Variants in NMT2 observed in about 807,000 individuals in gnomAD.
NMT2 encodes the protein N-myristoyltransferase 2.
Under a neutral mutation model 65.4 loss-of-function variants are expected in NMT2, and 35 were observed. The ratio of observed to expected loss-of-function variants is 0.54; its 90% CI spans 0.41 to 0.71. The LOEUF (loss-of-function observed/expected upper bound fraction) is 0.71, where lower values mean the gene tolerates loss of function less well. Ranked by LOEUF, NMT2 falls within the 30% of genes least tolerant of loss-of-function variation. The pLI, the probability that NMT2 is intolerant of heterozygous loss-of-function variation, is 0.00. For missense variants in NMT2, 489 were observed against 611.3 expected (o/e 0.80, Z 2.11); for synonymous variants, 226 against 231.8 (o/e 0.98, Z 0.23).
rs938831667 is a variant in NMT2, at chr10:15,141,001, G to A, written c.246+421C>T. 23 of 1,550,826 alleles carry A rather than the reference G, an allele frequency of 1.5e-5. No homozygotes were observed. The East Asian group carries it at 2.9e-4, about 20-fold the overall frequency. The stretch of plus-strand genomic sequence containing the variant: ...GAGAGACTTACCCATGGCTGCTCCC[G>A]CTGAAATCTGCTGCCAGATGGTGTT... On this transcript the variant is annotated intron_variant, in intron 2 of 11. Coordinates refer to ENST00000378165, the MANE Select transcript of NMT2 (RefSeq NM_004808.3).
intron 9 of NMT2, among the ~76,000 whole-genome samples, chr10:15,114,879 T>C (rs1402817590): frequency 3.3e-5 from 5 of 152,130 alleles, no homozygotes; most frequent in African/African-American, 1.2e-4. Context: ...GGCATGCGCC[T>C]GTAGTTCCAG....
chr10:15,154,384 G>T (rs550796554), intron 1 of NMT2, among the ~76,000 whole-genome samples: 4 of 152,308 alleles, frequency 2.6e-5, no homozygotes, highest in East Asian at 1.9e-4. Flanking sequence ...TGCAGGCTGT[G>T]TGGTGACCTG....
At chr10:15,151,078 G>T (rs1832786124) in intron 1 of NMT2, among the ~76,000 whole-genome samples, 1 of 128,536 alleles carries the variant, frequency 7.8e-6, no homozygotes. Context: ...TTTTTTTGGA[G>T]ACGGAGTTTC....
chr10:15,132,329 C>T (rs1442497608), intron 6 of NMT2, among the ~76,000 whole-genome samples: 1 of 151,940 alleles, frequency 6.6e-6, no homozygotes, highest in Non-Finnish European at 1.5e-5. Context: ...GTTTTAGGTT[C>T]ACAGCAAAAC....
intron 6 of NMT2, among the ~76,000 whole-genome samples, chr10:15,130,822 C>G (rs1846261687): frequency 7.4e-6 from 1 of 135,338 alleles, no homozygotes; most frequent in African/African-American, 2.8e-5. Flanking sequence ...CAGATTGTCG[C>G]ACTGTCACCC....
At chr10:15,161,611 C>T (rs952719791) in intron 1 of NMT2, among the ~76,000 whole-genome samples, 13 of 152,138 alleles carry the variant, frequency 8.5e-5, no homozygotes, top group Admixed American at 2.6e-4. Context: ...CCGCCCACCC[C>T]GGCCTCCCAA....
At chr10:15,167,217 C>A (rs770075734) in intron 1 of NMT2, among the ~76,000 whole-genome samples, 4 of 152,258 alleles carry the variant, frequency 2.6e-5, no homozygotes, top group Non-Finnish European at 5.9e-5. Flanking sequence ...ACATTCGATA[C>A]TTGCAGCCGC....
intron 6 of NMT2, among the ~76,000 whole-genome samples, 178 bp downstream of exon 6, chr10:15,132,639 G>A (rs1398639086): frequency 6.6e-6 from 1 of 152,244 alleles, no homozygotes; most frequent in African/African-American, 2.4e-5. Context: ...TGTTGACCAG[G>A]CTGGTCTTAA....
Position 15,108,901 on chromosome 10 carries a change from G to C in NMT2, c.*294C>G, listed in dbSNP as rs944461456. The C allele has an allele frequency of 1.7e-6, 2 of 1,162,846 alleles. No individual in the cohort carries two copies. The highest frequency in any genetic ancestry group is 2.1e-6 in the Non-Finnish European group (2 of 943,456). 72.0% of individuals were successfully genotyped at this position (1,162,846 alleles called of 1,614,324 possible). ...CATAGAAAAACAGTCCCTTTTCTAA[G>C]GGTGAAAAAATACCTCTTCAAGAGA... On this transcript the variant is annotated 3_prime_UTR_variant, in exon 12 of 12. Transcript: ENST00000378165.
chr10:15,129,346 G>A (rs546126460), intron 7 of NMT2, among the ~76,000 whole-genome samples: 16 of 152,224 alleles, frequency 1.1e-4, no homozygotes, highest in Non-Finnish European at 2.1e-4. Flanking sequence ...GTGAGGGGTG[G>A]GGAGATAAAC....
At chr10:15,166,665 T>A (rs1026761700) in intron 1 of NMT2, among the ~76,000 whole-genome samples, 3 of 152,254 alleles carry the variant, frequency 2.0e-5, no homozygotes, top group African/African-American at 7.2e-5. Flanking sequence ...TAACATGGTA[T>A]CTGCTCTTGG....
chr10:15,155,798 T>G (rs750884852), intron 1 of NMT2, among the ~76,000 whole-genome samples: 31 of 152,142 alleles, frequency 2.0e-4, no homozygotes, highest in Non-Finnish European at 4.3e-4. Context: ...AAATTGCCAG[T>G]GCCACTCCTC....
chr10:15,114,466 AC>A (rs1339425070), intron 9 of NMT2, among the ~76,000 whole-genome samples: 39 of 152,230 alleles, frequency 2.6e-4, no homozygotes, highest in African/African-American at 9.1e-4. Context: ...ACAAAACAAA[AC>A]AAAAAAACCC....
chr10:15,121,121 A>G (rs1194129555), intron 8 of NMT2, among the ~76,000 whole-genome samples: 1 of 152,192 alleles, frequency 6.6e-6, no homozygotes, highest in East Asian at 1.9e-4. Context: ...AAACTGAGAA[A>G]TACAGTTTAT....
intron 7 of NMT2, among the ~76,000 whole-genome samples, 179 bp downstream of exon 7, chr10:15,129,963 A>G (rs1846219198): frequency 6.6e-6 from 1 of 151,808 alleles, no homozygotes; most frequent in Non-Finnish European, 1.5e-5. Flanking sequence ...GGAAAATGTC[A>G]AAAACTTTTT....
At position 15,147,095 on chromosome 10, in the gene NMT2, C is replaced by CAAAAAAAAAAAAAA. The variant is rs34668178; in HGVS notation, c.111-5552_111-5539dup. On this transcript the variant is annotated intron_variant, in intron 1 of 11. Transcript: ENST00000378165. The stretch of plus-strand genomic sequence containing the variant: ...CAACAGCGAAAGATCCTCTCGCTCT[C>CAAAAAAAAAAAAAA]AAAAAAAAAAAAAAAAAAAAAAAAA... 5.4e-4 allele frequency among the ~76,000 whole-genome samples: 24 copies of CAAAAAAAAAAAAAA among 44,512 alleles called. 2 individuals carry two copies. The highest frequency in any genetic ancestry group is 7.1e-4 in the African/African-American group (13 of 18,420). 29.2% of individuals were successfully genotyped at this position (44,512 alleles called of 152,430 possible).
chr10:15,163,666 T>C (rs996428451), intron 1 of NMT2, among the ~76,000 whole-genome samples: 7 of 152,216 alleles, frequency 4.6e-5, no homozygotes, highest in Admixed American at 4.6e-4. Context: ...ATTTTCCCAC[T>C]GATACCACAC....
At chr10:15,124,820 C>T (rs1564566594) in intron 8 of NMT2, among the ~76,000 whole-genome samples, 1 of 152,162 alleles carries the variant, frequency 6.6e-6, no homozygotes, top group Admixed American at 6.6e-5. Context: ...TTTAATCTCT[C>T]TTTTATTCTA....
intron 8 of NMT2, among the ~76,000 whole-genome samples, chr10:15,127,234 C>CA (rs1451353688): frequency 3.5e-5 from 5 of 144,858 alleles, no homozygotes; most frequent in Non-Finnish European, 6.0e-5. Flanking sequence ...GACTCTGTCT[C>CA]AAAAAATAAA....
Sources: allele counts gnomAD v4.1 joint callset (sites outside exome capture counted in the v4.1 genomes callset), GRCh38; gene constraint gnomAD v4.1.1; transcripts MANE v1.5; gene names NCBI Gene and HGNC (gene_info 2026-07-23, HGNC 2026-07-21).